The following ARNT variants were observed in gnomAD, a reference collection of about 807,000 sequenced individuals.
ARNT encodes the protein aryl hydrocarbon receptor nuclear translocator, also known as class E basic helix-loop-helix protein 2.
ARNT carries 30 observed loss-of-function variants against 105.0 expected under a neutral mutation model. The observed-to-expected ratio is 0.29, with a 90% confidence interval of 0.21 to 0.39. The LOEUF (loss-of-function observed/expected upper bound fraction) is 0.39, where lower values mean the gene tolerates loss of function less well. Among genes scored for constraint, ARNT ranks in the 10% least tolerant of loss-of-function variants. The probability of loss-of-function intolerance (pLI) is 1.00; values close to 1 mark genes in which losing one functional copy is unlikely to be tolerated. For missense variants in ARNT, 748 were observed against 978.7 expected (o/e 0.76, Z 3.15); for synonymous variants, 304 against 344.0 (o/e 0.88, Z 1.29).
chr1:150,813,994 C>A, intron 20 of ARNT, 83 bp downstream of exon 20: 1 of 1,528,856 alleles, frequency 6.5e-7, no homozygotes, highest in South Asian at 1.2e-5. Context: ...GTACCCACAA[C>A]ACAGGCAAAC....
At chr1:150,860,255 G>A (rs1398284001) in intron 1 of ARNT, among the ~76,000 whole-genome samples, 4 of 128,316 alleles carry the variant, frequency 3.1e-5, no homozygotes, top group South Asian at 5.2e-4. Context: ...TCACTCTGTC[G>A]CCCAGGCTGG....
chr1:150,852,906 T>A, intron 2 of ARNT, 100 bp from the exon 3 acceptor site: 1 of 1,387,628 alleles, frequency 7.2e-7, no homozygotes, highest in Non-Finnish European at 1.0e-6. Flanking sequence ...CCCACCCAAA[T>A]GGAAGAATGG....
chr1:150,848,110 T>A (rs1662599254), intron 3 of ARNT, among the ~76,000 whole-genome samples: 1 of 152,152 alleles, frequency 6.6e-6, no homozygotes, highest in African/African-American at 2.4e-5. Context: ...TATATACAAT[T>A]CTATATATAC....
chr1:150,844,189 ATATT>A (rs1174735617), intron 4 of ARNT, among the ~76,000 whole-genome samples: 12 of 152,274 alleles, frequency 7.9e-5, no homozygotes, highest in South Asian at 2.1e-4. Flanking sequence ...GACTTTACAA[ATATT>A]TATTTCAATT....
intron 14 of ARNT, chr1:150,818,511 G>A (rs1656399262): frequency 6.6e-6 from 1 of 152,226 alleles, no homozygotes; most frequent in Admixed American, 6.6e-5. Flanking sequence ...GGCACTTTGG[G>A]AGGCTGAGGC....
At chr1:150,818,584 T>C (rs1656418868) in intron 14 of ARNT, 1 of 152,280 alleles carries the variant, frequency 6.6e-6, no homozygotes, top group South Asian at 2.1e-4. Context: ...AAGCTCCGTC[T>C]CTACAAAAAA....
intron 3 of ARNT, among the ~76,000 whole-genome samples, chr1:150,851,830 C>T (rs1179442752): frequency 7.9e-5 from 12 of 151,580 alleles, no homozygotes; most frequent in East Asian, 3.9e-4. Context: ...TCCCCCTCTG[C>T]GAGAAACACC....
At chr1:150,815,843 G>A (rs587636787) in intron 19 of ARNT, among the ~76,000 whole-genome samples, 17 of 131,696 alleles carry the variant, frequency 1.3e-4, no homozygotes, top group African/African-American at 4.2e-4. Flanking sequence ...TAGCCTGGGC[G>A]ACAGAGCAAG....
Position 150,816,387 on chromosome 1 carries a change from G to A in ARNT, c.1822C>T (p.Pro608Ser), listed in dbSNP as rs1655885364. Residue 608 changes from proline (P) to serine (S), a missense_variant, in exon 19 of 22, where the codon CCT (proline) becomes TCT (serine). This residue lies in a region of ARNT where 360 missense variants were observed against 411.9 expected (regional missense o/e 0.87). Coordinates refer to ENST00000358595, the MANE Select transcript of ARNT (RefSeq NM_001668.4). ...GCTGATGGCTGGACAATGGTTACAG[G>A]AGGGGCTAGGCCACTATTCCTAGGA... ...ENFRNSGLAP[P>S]VTIVQPSASA... The A allele has an allele frequency of 1.2e-6, 2 of 1,606,700 alleles. No homozygotes were observed. The highest frequency in any genetic ancestry group is 2.2e-5 in the East Asian group (1 of 44,604).
At chr1:150,817,041 T>G (rs757632903) in intron 17 of ARNT, 41 bp downstream of exon 17, 1 of 1,613,474 alleles carries the variant, frequency 6.2e-7, no homozygotes, top group South Asian at 1.1e-5. Flanking sequence ...CAGTAAGTGA[T>G]CTAAATGAGA....
chr1:150,875,536 T>C (rs1286772192), intron 1 of ARNT, among the ~76,000 whole-genome samples: 2 of 152,200 alleles, frequency 1.3e-5, no homozygotes, highest in African/African-American at 2.4e-5. Context: ...TTTTTAAGGC[T>C]ATCAAATATA....
Position 150,815,554 on chromosome 1 carries a change from A to T in ARNT, c.1950+705T>A, listed in dbSNP as rs186505652. On this transcript the variant is annotated intron_variant, in intron 19 of 21. Transcript: ENST00000358595. ...CAACAAAGTGACAGTCTGTCTCAAG[A>T]AAAAAAAAAAAAAAGAATTTTTCAG... Among the ~76,000 whole-genome samples, 1,146 of 134,394 alleles carry T rather than the reference A, an allele frequency of 8.5e-3. 7 individuals are homozygous for T. Among genetic ancestry groups the T allele is most frequent in the Non-Finnish European group, 0.011 (705 of 61,636 alleles). 88.2% of individuals were successfully genotyped at this position (134,394 alleles called of 152,430 possible).
rs587759260 is a variant in ARNT at position 150,851,963 on chromosome 1, G to A, written c.182+799C>T. On this transcript the variant is annotated intron_variant, in intron 3 of 21. Coordinates refer to ENST00000358595, the MANE Select transcript of ARNT (RefSeq NM_001668.4). ...CTTGGGAGGCTGAGGCAGGAGAATC[G>A]CTAGAACCCAGGAGGCGGAGGTTGC... Among the ~76,000 whole-genome samples the A allele has an allele frequency of 7.7e-3, 1,165 of 151,880 alleles. 6 individuals are homozygous for A. Among genetic ancestry groups the A allele is most frequent in the Non-Finnish European group, 0.011 (715 of 67,936 alleles).
At chr1:150,839,797 A>G (rs1557900486) in intron 5 of ARNT, 143 bp from the exon 6 acceptor site, 1 of 863,586 alleles carries the variant, frequency 1.2e-6, no homozygotes, top group Admixed American at 2.6e-5. Context: ...AGTTAAAATA[A>G]GGTTTGCCAA....
intron 1 of ARNT, among the ~76,000 whole-genome samples, chr1:150,873,146 G>A (rs961224523): frequency 5.3e-5 from 8 of 151,730 alleles, no homozygotes; most frequent in Non-Finnish European, 7.4e-5. Flanking sequence ...AAAATTAGCC[G>A]GGCGTGGTGG....
Position 150,810,629 on chromosome 1 carries a change from A to AT in ARNT, c.*1391dup. The AT allele has an allele frequency of 4.7e-6, 1 of 211,008 alleles. No homozygotes were observed. The highest frequency in any genetic ancestry group is 9.6e-6 in the Non-Finnish European group (1 of 104,344). 13.1% of individuals were successfully genotyped at this position (211,008 alleles called of 1,614,324 possible). A position where few individuals can be genotyped will look rare whatever the true frequency, so the allele number is the denominator to read the frequency against. On this transcript the variant is annotated 3_prime_UTR_variant, in exon 22 of 22. Coordinates refer to ENST00000358595, the MANE Select transcript of ARNT (RefSeq NM_001668.4). Reference sequence around the variant, plus strand: ...GCACTTTAGCTACTGGCCAAAGCCAATTTAAAAAAAAAAAAAAAAAAGCTG... The same window carrying AT: ...GCACTTTAGCTACTGGCCAAAGCCAATTTTAAAAAAAAAAAAAAAAAAGCTG...
chr1:150,851,084 C>T (rs1253815230), intron 3 of ARNT, among the ~76,000 whole-genome samples: 1 of 151,216 alleles, frequency 6.6e-6, no homozygotes, highest in African/African-American at 2.4e-5. Context: ...AGCCCCTCCG[C>T]CCCGCAGCCG....
At chr1:150,843,787 T>C (rs752903648) in intron 4 of ARNT, among the ~76,000 whole-genome samples, 2 of 152,194 alleles carry the variant, frequency 1.3e-5, no homozygotes, top group Non-Finnish European at 2.9e-5. Context: ...TGGCTATGCA[T>C]ATAATCCCAA....
intron 1 of ARNT, among the ~76,000 whole-genome samples, chr1:150,868,335 G>A (rs938153613): frequency 6.6e-6 from 1 of 151,916 alleles, no homozygotes; most frequent in African/African-American, 2.4e-5. Context: ...TAGCCTCAAG[G>A]GTGAGAAGAG....
Sources: allele counts gnomAD v4.1 joint callset (sites outside exome capture counted in the v4.1 genomes callset), GRCh38; gene constraint gnomAD v4.1.1; regional missense constraint gnomAD v4.1.1; transcripts MANE v1.5; gene names NCBI Gene and HGNC (gene_info 2026-07-23, HGNC 2026-07-21).